Variants in TVP23A observed in about 807,000 individuals in gnomAD.
The protein encoded by TVP23A is Golgi apparatus membrane protein TVP23 homolog A.
In TVP23A, 21 loss-of-function variants were observed where a neutral mutation model predicts 31.7. That is an observed-to-expected ratio of 0.66 (90% CI 0.47 to 0.95). The LOEUF (loss-of-function observed/expected upper bound fraction) is 0.95. Among genes scored for constraint, TVP23A ranks in the 40% least tolerant of loss-of-function variants. The probability of loss-of-function intolerance (pLI) is 0.00; values close to 1 mark genes in which losing one functional copy is unlikely to be tolerated. For synonymous variants in TVP23A, 104 were observed against 96.0 expected (o/e 1.08, Z -0.49); for missense variants, 279 against 255.6 (o/e 1.09, Z -0.62).
chr16:10,787,459 G>A (rs1477571988), intron 2 of TVP23A, among the ~76,000 whole-genome samples: 1 of 152,072 alleles, frequency 6.6e-6, no homozygotes, highest in Admixed American at 6.6e-5. Flanking sequence ...CTCCTTTCCA[G>A]TCACGTGTAC....
intron 2 of TVP23A, among the ~76,000 whole-genome samples, chr16:10,786,254 C>T (rs992535103): frequency 3.3e-5 from 5 of 152,058 alleles, no homozygotes; most frequent in East Asian, 1.9e-4. Flanking sequence ...ATCCTAAATT[C>T]GGCAGTGATC....
intron 2 of TVP23A, among the ~76,000 whole-genome samples, chr16:10,793,633 C>T (rs565070302): frequency 6.6e-6 from 1 of 151,982 alleles, no homozygotes; most frequent in South Asian, 2.1e-4. Flanking sequence ...CGGTGGCTCA[C>T]GTCTGTAATC....
At chr16:10,762,601 C>T (rs968608280), downstream of TVP23A, among the ~76,000 whole-genome samples, 7 of 152,204 alleles carry the variant, frequency 4.6e-5, no homozygotes, top group South Asian at 2.1e-4. Flanking sequence ...TCCTGCGGGG[C>T]GTCCAGCACT....
chr16:10,810,229 AT>A (rs2034132603), intron 2 of TVP23A, among the ~76,000 whole-genome samples: 1 of 152,098 alleles, frequency 6.6e-6, no homozygotes, highest in South Asian at 2.1e-4. Context: ...AAAAAAAAAA[AT>A]TAGCATTTGA....
rs1435956036 is a variant in TVP23A at position 10,767,381 on chromosome 16, G to A, written c.*1721C>T. The A allele has an allele frequency of 1.5e-5, 6 of 400,834 alleles. No homozygotes were observed. Among genetic ancestry groups the A allele is most frequent in the Non-Finnish European group, 2.2e-5 (5 of 227,784 alleles). 24.8% of individuals were successfully genotyped at this position (400,834 alleles called of 1,614,324 possible). A position where few individuals can be genotyped will look rare whatever the true frequency, so the allele number is the denominator to read the frequency against. ...CAGACTGATAGACACCAGCACAGATGACCTGGAAGATAAAATTATACACAG... is the reference window on the plus strand; with the variant it reads ...CAGACTGATAGACACCAGCACAGATAACCTGGAAGATAAAATTATACACAG... On this transcript the variant is annotated 3_prime_UTR_variant, in exon 8 of 8. Coordinates refer to ENST00000299866, the MANE Select transcript of TVP23A (RefSeq NM_001079512.4). This position sits in a 1 kb window ranked among gnomAD's most constrained non-coding sequence, Gnocchi z 4.6.
chr16:10,818,174 C>T lies in TVP23A; in HGVS notation c.18G>A (p.Val6=). The T allele has an allele frequency of 6.2e-6, 10 of 1,605,466 alleles. No homozygotes were observed. Among genetic ancestry groups the T allele is most frequent in the Non-Finnish European group, 8.5e-6 (10 of 1,176,120 alleles). The change falls in exon 2 of 8, where the codon GTG becomes GTA. Residue 6 remains valine (V), a synonymous_variant. Coordinates refer to ENST00000299866, the MANE Select transcript of TVP23A (RefSeq NM_001079512.4). The surrounding 1 kb of genome is among the most constrained non-coding windows in gnomAD (Gnocchi z 4.7). ...CCAGGGACACATCCTCGGTATCGTC[C>T]ACCAGGGCCTGGGAGGAGAGCAAGG... MKQAL[V]DDTEDVSLDF...
chr16:10,763,579 G>C (rs545520736), downstream of TVP23A: 1 of 152,356 alleles, frequency 6.6e-6, no homozygotes, highest in Non-Finnish European at 1.5e-5. Flanking sequence ...TGCAGTGGCC[G>C]GAAGTGGTGA....
chr16:10,793,206 T>C (rs1218220184), intron 2 of TVP23A, among the ~76,000 whole-genome samples: 3 of 152,240 alleles, frequency 2.0e-5, no homozygotes, highest in African/African-American at 7.2e-5. Context: ...GGAGAATCGC[T>C]TGGAGGTTAT....
At position 10,768,699 on chromosome 16, in the gene TVP23A, A is replaced by C. The variant is rs1330966788; in HGVS notation, c.*403T>G. 4 of 228,446 alleles carry C rather than the reference A, an allele frequency of 1.8e-5. No individual in the cohort carries two copies. The highest frequency in any genetic ancestry group is 3.4e-5 in the Non-Finnish European group (4 of 119,194). The allele number at this position is 228,446 out of a possible 1,614,324, so 14.2% of individuals were successfully genotyped here. ...GCCAGTGGCAGCCATCAGAGGCCCC[A>C]GAGTTAGGGCAGAGGTGTCAGTGTT... On this transcript the variant is annotated 3_prime_UTR_variant, in exon 8 of 8. Transcript: ENST00000299866. The surrounding 1 kb of genome is among the most constrained non-coding windows in gnomAD (Gnocchi z 4.3).
intron 3 of TVP23A, among the ~76,000 whole-genome samples, chr16:10,774,494 T>C (rs2031857121): frequency 6.6e-6 from 1 of 152,074 alleles, no homozygotes. Context: ...TGGGAGATAA[T>C]TGAATCATAC....
chr16:10,816,962 C>A (rs565912769), intron 2 of TVP23A, among the ~76,000 whole-genome samples: 1 of 145,014 alleles, frequency 6.9e-6, no homozygotes, highest in South Asian at 2.2e-4. Flanking sequence ...CACACACACA[C>A]GTCACCTGAC....
At position 10,818,104 on chromosome 16, in the gene TVP23A, T is replaced by C. The variant is rs370855058; in HGVS notation, c.88A>G (p.Arg30Gly). ...EELAFRKAKI[R>G]HPLATFFHLF... Reference sequence around the variant, plus strand: ...GACCCAAGCTCCATCCCAACACACCTGATCTTGGCTTTCCTAAAGGCCAGC... The same window carrying C: ...GACCCAAGCTCCATCCCAACACACCCGATCTTGGCTTTCCTAAAGGCCAGC... Residue 30 changes from arginine to glycine, a missense_variant and splice_region_variant, in exon 2 of 8, where the codon AGA (arginine) becomes GGA (glycine). Physicochemically the swap from Arg to Gly is moderately radical, Grantham distance 125. Coordinates refer to ENST00000299866, the MANE Select transcript of TVP23A (RefSeq NM_001079512.4). The surrounding 1 kb of genome is among the most constrained non-coding windows in gnomAD (Gnocchi z 4.7). The C allele has an allele frequency of 5.5e-5, 88 of 1,607,036 alleles. No individual in the cohort carries two copies. Among genetic ancestry groups the C allele is most frequent in the African/African-American group, 6.7e-5 (5 of 74,820 alleles).
chr16:10,800,568 G>A (rs2033647257), intron 2 of TVP23A, among the ~76,000 whole-genome samples: 1 of 152,160 alleles, frequency 6.6e-6, no homozygotes, highest in Admixed American at 6.5e-5. Context: ...TATTTAATGG[G>A]AGAATTGAGT....
chr16:10,788,087 A>C (rs574707615), intron 2 of TVP23A, among the ~76,000 whole-genome samples: 2 of 152,284 alleles, frequency 1.3e-5, no homozygotes, highest in Admixed American at 6.5e-5. Flanking sequence ...CAAAGGCATC[A>C]ATCAATACAT....
At chr16:10,778,761 T>C (rs752439042) in intron 2 of TVP23A, among the ~76,000 whole-genome samples, 1 of 151,430 alleles carries the variant, frequency 6.6e-6, no homozygotes, top group Non-Finnish European at 1.5e-5. Context: ...AAGTCAGGAG[T>C]TCGAGACCAG....
At chr16:10,759,341 C>T (rs1456812174), downstream of TVP23A, among the ~76,000 whole-genome samples, 1 of 152,194 alleles carries the variant, frequency 6.6e-6, no homozygotes, top group African/African-American at 2.4e-5. The surrounding 1 kb of genome is among the most constrained non-coding windows in gnomAD (Gnocchi z 4.7). Context: ...TGGCATCCTG[C>T]AGAGAGGGGA....
At chr16:10,764,431 G>A (rs1488383745), downstream of TVP23A, among the ~76,000 whole-genome samples, 2 of 151,310 alleles carry the variant, frequency 1.3e-5, no homozygotes, top group Non-Finnish European at 2.9e-5. Context: ...ATCTCAGTCT[G>A]CTGGAGTATG....
chr16:10,792,047 C>G (rs980750818), intron 2 of TVP23A, among the ~76,000 whole-genome samples: 12 of 152,210 alleles, frequency 7.9e-5, no homozygotes, highest in African/African-American at 2.7e-4. Flanking sequence ...CTGATCCAAC[C>G]AATCTGTGTG....
At chr16:10,807,904 G>C (rs542950688) in intron 2 of TVP23A, among the ~76,000 whole-genome samples, 6 of 152,138 alleles carry the variant, frequency 3.9e-5, no homozygotes, top group East Asian at 1.9e-4. Context: ...TTAGAGGTGG[G>C]TTCTTGCTAT....
Sources: allele counts gnomAD v4.1 joint callset (sites outside exome capture counted in the v4.1 genomes callset), GRCh38; gene constraint gnomAD v4.1.1; non-coding constraint Gnocchi (gnomAD v3.1); transcripts MANE v1.5; gene names NCBI Gene and HGNC (gene_info 2026-07-23, HGNC 2026-07-21).